Variants in CERK observed in about 807,000 individuals in gnomAD.
The protein encoded by CERK is acylsphingosine kinase.
In CERK, 39 loss-of-function variants were observed where a neutral mutation model predicts 63.4. The ratio of observed to expected loss-of-function variants is 0.61; its 90% CI spans 0.48 to 0.80. The LOEUF is 0.80. CERK is among the 30% of genes least tolerant of loss of function. The pLI, the probability that CERK is intolerant of heterozygous loss-of-function variation, is 0.00. For synonymous variants in CERK, 302 were observed against 280.0 expected, an observed-to-expected ratio of 1.08 and a Z score of -0.78; for missense variants, 670 against 714.1, an observed-to-expected ratio of 0.94 and a Z score of 0.70.
intron 3 of CERK, 145 bp downstream of exon 3, chr22:46,719,941 G>A: frequency 1.8e-6 from 2 of 1,115,874 alleles, no homozygotes; most frequent in Non-Finnish European, 2.5e-6. Flanking sequence ...GTCTGCTCAT[G>A]AGAAATTAAG....
At chr22:46,701,917 A>T (rs1018190790) in intron 6 of CERK, among the ~76,000 whole-genome samples, 6 of 152,178 alleles carry the variant, frequency 3.9e-5, no homozygotes, top group Non-Finnish European at 7.3e-5. Context: ...GCGGTGGCTC[A>T]CGCCTGTCAT....
intron 1 of CERK, among the ~76,000 whole-genome samples, chr22:46,724,747 G>T (rs182645010): frequency 3.7e-4 from 57 of 152,262 alleles, no homozygotes; most frequent in East Asian, 2.9e-3. Flanking sequence ...CAGCAGGGCG[G>T]GGTGGCTCAC....
intron 10 of CERK, 119 bp from the exon 11 acceptor site, chr22:46,691,896 A>G (rs1298217266): frequency 1.5e-6 from 1 of 645,232 alleles, no homozygotes; most frequent in Non-Finnish European, 2.7e-6. Context: ...CAGACACTTC[A>G]TGCAATCGAC....
chr22:46,721,897 T>G (rs912117612), intron 1 of CERK, among the ~76,000 whole-genome samples: 3 of 152,176 alleles, frequency 2.0e-5, no homozygotes, highest in Non-Finnish European at 4.4e-5. Flanking sequence ...TGGGGCGTGT[T>G]CATCTGCTGG....
chr22:46,738,066 G>C lies in CERK; in HGVS notation c.83C>G (p.Ala28Gly), dbSNP rs997751547. 2 of 1,261,052 alleles carry C rather than the reference G, an allele frequency of 1.6e-6. No individual in the cohort carries two copies. The highest frequency in any genetic ancestry group is 2.0e-6 in the Non-Finnish European group (2 of 998,800). 78.1% of individuals were successfully genotyped at this position (1,261,052 alleles called of 1,614,324 possible). ...CCGCCACCAGCGCAGCAGAGCCCGC[G>C]CGGGCTCCAGGCTCACGGCGCAGCG... Reference protein sequence around the residue: ...QQRCAVSLEPARALLRWWRSP... With the variant: ...QQRCAVSLEPGRALLRWWRSP... The change falls in exon 1 of 13, where the codon GCG (alanine) becomes GGG (glycine). Residue 28 changes from alanine (A) to glycine (G), a missense_variant. Coordinates refer to ENST00000216264, the MANE Select transcript of CERK (RefSeq NM_022766.6).
intron 3 of CERK, among the ~76,000 whole-genome samples, chr22:46,713,530 C>A (rs867369874): frequency 0.013 from 1,340 of 99,796 alleles, 18 homozygotes; most frequent in African/African-American, 0.036. Context: ...AAAAAAAAAA[C>A]AAACAAACAA....
Position 46,710,934 on chromosome 22 carries a change from T to C in CERK, c.569+152A>G, listed in dbSNP as rs576356204. On this transcript the variant is annotated intron_variant, in intron 5 of 12. Transcript: ENST00000216264. ...ACTGCACTTTTCTGCCTTTTCTTTCTTGCCTTCCTGTAAGAAGCATGTTTA... is the reference window on the plus strand; with the variant it reads ...ACTGCACTTTTCTGCCTTTTCTTTCCTGCCTTCCTGTAAGAAGCATGTTTA... 9 of 630,066 alleles carry C rather than the reference T, an allele frequency of 1.4e-5. No homozygotes were observed. In the South Asian group the frequency reaches 1.6e-4, roughly 11 times the overall value. 39.0% of individuals were successfully genotyped at this position (630,066 alleles called of 1,614,324 possible). A position where few individuals can be genotyped will look rare whatever the true frequency, so the allele number is the denominator to read the frequency against.
chr22:46,701,588 G>A (rs202057388), intron 7 of CERK, 48 bp downstream of exon 7: 48 of 1,492,470 alleles, frequency 3.2e-5, no homozygotes, highest in African/African-American at 1.5e-4. Context: ...GCCTGGGGGC[G>A]CAGGAGGCCC....
At position 46,702,217 on chromosome 22, in the gene CERK, AT is replaced by A. The variant is rs1335791365; in HGVS notation, c.716-508del. On this transcript the variant is annotated intron_variant, in intron 6 of 12. Transcript: ENST00000216264. ...AAAGGAGCCAAAAAGTTAAAAAAATATATATATGTGTGTGTGTGTGTGTGTG... is the reference window on the plus strand; with the variant it reads ...AAAGGAGCCAAAAAGTTAAAAAAATAATATATGTGTGTGTGTGTGTGTGTG... 2.5e-4 allele frequency among the ~76,000 whole-genome samples: 11 copies of A among 44,364 alleles called. No homozygotes were observed. The South Asian group carries it at 3.5e-3, about 14-fold the overall frequency. 29.1% of individuals were successfully genotyped at this position (44,364 alleles called of 152,430 possible).
chr22:46,713,714 G>A (rs185359704), intron 3 of CERK, among the ~76,000 whole-genome samples: 58 of 152,216 alleles, frequency 3.8e-4, no homozygotes, highest in Middle Eastern at 6.8e-3. Context: ...GAATCAATGT[G>A]AAAACAGTAT....
At position 46,720,126 on chromosome 22, in the gene CERK, G is replaced by A. The variant is rs9627541; in HGVS notation, c.339C>T (p.His113=). The A allele has an allele frequency of 5.8e-3, 9,324 of 1,614,060 alleles. 474 individuals carry two copies. In the African/African-American group the frequency reaches 0.11, roughly 19 times the overall value. Residue 113 remains histidine, a synonymous_variant, in exon 3 of 13, where the codon CAC becomes CAT. Coordinates refer to ENST00000216264, the MANE Select transcript of CERK (RefSeq NM_022766.6). ...TFWCPEEQLC[H]LWLQTLREML... ...TCTCCCGCAGGGTCTGCAGCCACAA[G>A]TGACACAGCTGCTCCTCTGGACACC... is the stretch of plus-strand genomic sequence containing the variant.
chr22:46,686,052 C>T lies in CERK; in HGVS notation c.*1082G>A, dbSNP rs1456480346. 1 of 152,216 alleles carries T rather than the reference C, an allele frequency of 6.6e-6. No homozygotes were observed. The highest frequency in any genetic ancestry group is 2.4e-5 in the African/African-American group (1 of 41,444). 9.4% of individuals were successfully genotyped at this position (152,216 alleles called of 1,614,324 possible). ...GCCCCGGGGAGCGCGGCAGGAATGC[C>T]TTCCGGGAAGAATCCTCTGGTCGCC... is the stretch of plus-strand genomic sequence containing the variant. On this transcript the variant is annotated 3_prime_UTR_variant, in exon 13 of 13. Coordinates refer to ENST00000216264, the MANE Select transcript of CERK (RefSeq NM_022766.6).
intron 1 of CERK, among the ~76,000 whole-genome samples, chr22:46,730,787 C>T (rs9616113): frequency 0.094 from 14,317 of 152,266 alleles, 806 homozygotes; most frequent in African/African-American, 0.13. Flanking sequence ...GAAAGACACA[C>T]GGCATCCCCC....
chr22:46,697,288 T>A (rs1377070427), intron 8 of CERK, among the ~76,000 whole-genome samples: 2 of 151,790 alleles, frequency 1.3e-5, no homozygotes, highest in African/African-American at 4.9e-5. Context: ...ATGGTCTACA[T>A]ATTTTCTTCT....
At chr22:46,728,383 C>G (rs2082930285) in intron 1 of CERK, among the ~76,000 whole-genome samples, 1 of 152,144 alleles carries the variant, frequency 6.6e-6, no homozygotes, top group Non-Finnish European at 1.5e-5. Flanking sequence ...ATCCCAGAGT[C>G]CCTGCCTTTG....
Position 46,730,836 on chromosome 22 carries a change from C to T in CERK, c.142+7171G>A, listed in dbSNP as rs147957389. Among the ~76,000 whole-genome samples the T allele has an allele frequency of 2.2e-4, 33 of 152,356 alleles. No homozygotes were observed. In the East Asian group the frequency reaches 6.2e-3, roughly 28 times the overall value. On this transcript the variant is annotated intron_variant, in intron 1 of 12. Transcript: ENST00000216264. ...TGCCTCGTCTATCTTGGATTTGGAA[C>T]TGGAGCAGCCTGAAACCTGGAAATG...
Position 46,707,939 on chromosome 22 carries a change from G to A in CERK, c.619C>T (p.Leu207=), listed in dbSNP as rs187808536. The change falls in exon 6 of 13, where the codon CTG becomes TTG. Residue 207 remains leucine (L), a synonymous_variant. Coordinates refer to ENST00000216264, the MANE Select transcript of CERK (RefSeq NM_022766.6). ...DGMFSEVLHG[L]IGRTQRSAGV... The stretch of plus-strand genomic sequence containing the variant: ...GCGCTCCTCTGCGTCCTCCCAATCA[G>A]ACCGTGCAGCACCTCGCTGAACATA... 11 of 1,613,834 alleles carry A rather than the reference G, an allele frequency of 6.8e-6. No homozygotes were observed. In the African/African-American group the frequency reaches 9.3e-5, roughly 14 times the overall value.
chr22:46,699,594 T>G (rs780256486), intron 7 of CERK, 129 bp from the exon 8 acceptor site: 1 of 784,938 alleles, frequency 1.3e-6, no homozygotes, highest in Non-Finnish European at 2.1e-6. Flanking sequence ...ACAGAACGCA[T>G]TCAGTGCAAG....
At chr22:46,695,337 GA>G in intron 8 of CERK, 22 bp from the exon 9 acceptor site, 1 of 1,344,300 alleles carries the variant, frequency 7.4e-7, no homozygotes, top group South Asian at 1.2e-5. Context: ...GTGCAGTGAA[GA>G]AAAAACATCC....
Sources: allele counts gnomAD v4.1 joint callset (sites outside exome capture counted in the v4.1 genomes callset), GRCh38; gene constraint gnomAD v4.1.1; transcripts MANE v1.5; gene names NCBI Gene and HGNC (gene_info 2026-07-23, HGNC 2026-07-21).